Variants in EXT1 observed in about 807,000 individuals in gnomAD.
The protein encoded by EXT1 is exostosin glycosyltransferase 1, also known as exostosin-1.
A neutral mutation model predicts 82.5 loss-of-function variants in EXT1; 20 were observed. The ratio of observed to expected loss-of-function variants is 0.24; its 90% confidence interval spans 0.17 to 0.35. EXT1 has a LOEUF of 0.35. Among genes scored for constraint, EXT1 ranks in the 10% least tolerant of loss-of-function variants. The pLI is 1.00. For missense variants in EXT1, 757 were observed against 936.5 expected (o/e 0.81, Z 2.50); for synonymous variants, 348 against 350.8 (o/e 0.99, Z 0.09).
intron 1 of EXT1, among the ~76,000 whole-genome samples, chr8:117,908,898 C>A (rs1407400935): frequency 1.3e-5 from 2 of 151,642 alleles, no homozygotes; most frequent in Admixed American, 1.3e-4. Flanking sequence ...CTGAGGAGGG[C>A]AGATCGCTTG....
At chr8:117,915,244 GCTGA>G (rs1186261288) in intron 1 of EXT1, among the ~76,000 whole-genome samples, 4 of 152,040 alleles carry the variant, frequency 2.6e-5, no homozygotes, top group African/African-American at 7.2e-5. Context: ...GTTTTATTAT[GCTGA>G]CTAATTATTA....
intron 1 of EXT1, among the ~76,000 whole-genome samples, chr8:117,945,306 T>A (rs1376189135): frequency 6.6e-6 from 1 of 152,158 alleles, no homozygotes; most frequent in Non-Finnish European, 1.5e-5. Flanking sequence ...CCCCTGTACA[T>A]CACCCTTCCT....
chr8:118,069,672 A>C (rs1318021590), intron 1 of EXT1, among the ~76,000 whole-genome samples: 1 of 152,104 alleles, frequency 6.6e-6, no homozygotes, highest in Non-Finnish European at 1.5e-5. Context: ...ATAACTTCAC[A>C]CCACAGGTTA....
intron 3 of EXT1, chr8:117,831,554 T>C: frequency 2.1e-6 from 1 of 471,032 alleles, no homozygotes; most frequent in South Asian, 1.5e-5. Context: ...TCTATAGTCT[T>C]TAGGGAAGAT....
intron 1 of EXT1, among the ~76,000 whole-genome samples, chr8:117,951,601 G>C (rs1814493110): frequency 1.3e-5 from 2 of 152,190 alleles, no homozygotes; most frequent in Admixed American, 1.3e-4. Context: ...AATTATGACT[G>C]TGATAGAGAC....
chr8:118,102,890 C>T (rs1441185479), intron 1 of EXT1, among the ~76,000 whole-genome samples: 1 of 152,038 alleles, frequency 6.6e-6, no homozygotes, highest in Non-Finnish European at 1.5e-5. Context: ...CTTGGTGGCT[C>T]ATGCCTGTAA....
intron 1 of EXT1, among the ~76,000 whole-genome samples, chr8:118,080,024 C>A (rs1010268050): frequency 1.3e-5 from 2 of 152,314 alleles, no homozygotes; most frequent in South Asian, 4.1e-4. Context: ...CCTCCAGGCA[C>A]CCTGCTAGGC....
chr8:117,970,429 A>T (rs1434191984), intron 1 of EXT1, among the ~76,000 whole-genome samples: 2 of 151,226 alleles, frequency 1.3e-5, no homozygotes, highest in African/African-American at 4.9e-5. Flanking sequence ...CAGCCTCTTG[A>T]TTAGTTGGGA....
intron 1 of EXT1, among the ~76,000 whole-genome samples, chr8:117,915,571 G>A (rs1813731840): frequency 6.6e-6 from 1 of 152,126 alleles, no homozygotes; most frequent in Non-Finnish European, 1.5e-5. Context: ...ATCACTATTT[G>A]AGGTCAGGCA....
chr8:117,833,834 G>T (rs750732983), intron 3 of EXT1, among the ~76,000 whole-genome samples: 5 of 152,064 alleles, frequency 3.3e-5, no homozygotes, highest in Admixed American at 6.6e-5. Flanking sequence ...AAGAAAAAAG[G>T]CTACATGGAC....
At chr8:117,902,462 T>C (rs188700901) in intron 1 of EXT1, among the ~76,000 whole-genome samples, 2 of 152,316 alleles carry the variant, frequency 1.3e-5, no homozygotes, top group African/African-American at 4.8e-5. Flanking sequence ...GAGTAATGCA[T>C]TGTGCCAAGA....
chr8:118,008,723 ATCTTT>A (rs1373004441), intron 1 of EXT1, among the ~76,000 whole-genome samples: 1 of 152,136 alleles, frequency 6.6e-6, no homozygotes, highest in African/African-American at 2.4e-5. Context: ...ATTGTTTCTA[ATCTTT>A]TCTTATTAAA....
chr8:118,040,973 C>G, intron 1 of EXT1, among the ~76,000 whole-genome samples: 1 of 152,160 alleles, frequency 6.6e-6, no homozygotes, highest in Non-Finnish European at 1.5e-5. Flanking sequence ...CTGCAGGGGA[C>G]CCAATTCTCA....
At chr8:117,904,739 C>G (rs1445887989) in intron 1 of EXT1, among the ~76,000 whole-genome samples, 1 of 151,254 alleles carries the variant, frequency 6.6e-6, no homozygotes, top group Non-Finnish European at 1.5e-5. Flanking sequence ...ATTATATTAT[C>G]AAGAAGTCCA....
At chr8:117,809,213 G>A (rs997643030) in intron 8 of EXT1, among the ~76,000 whole-genome samples, 8,649 of 62,928 alleles carry the variant, frequency 0.14, 405 homozygotes, top group East Asian at 0.19. Flanking sequence ...GTGTGTGTGT[G>A]TATAAATATA....
intron 1 of EXT1, among the ~76,000 whole-genome samples, chr8:118,063,846 C>CTTTATTTA (rs1161651930): frequency 2.5e-4 from 37 of 150,754 alleles, no homozygotes; most frequent in African/African-American, 8.5e-4. Context: ...CAGAGCTACA[C>CTTTATTTA]TTTATTTATT....
chr8:117,870,348 A>G (rs1208216919), intron 1 of EXT1, among the ~76,000 whole-genome samples: 1 of 152,008 alleles, frequency 6.6e-6, no homozygotes, highest in Non-Finnish European at 1.5e-5. Context: ...ACATCTGAGA[A>G]TTGTTATGTC....
intron 1 of EXT1, among the ~76,000 whole-genome samples, chr8:118,105,366 C>T (rs1011214022): frequency 1.3e-5 from 2 of 152,224 alleles, no homozygotes; most frequent in Admixed American, 1.3e-4. Context: ...ACCTTAGTAA[C>T]AAGCCATTAT....
intron 4 of EXT1, among the ~76,000 whole-genome samples, chr8:117,828,928 T>C (rs1812051684): frequency 6.6e-6 from 1 of 152,162 alleles, no homozygotes; most frequent in South Asian, 2.1e-4. Context: ...TGACCAGCAC[T>C]GGCTCTGATA....
Sources: gnomAD v4.1 joint callset for allele counts (sites outside exome capture counted in the v4.1 genomes callset) on GRCh38, gnomAD v4.1.1 for gene constraint, MANE v1.5 for transcripts, NCBI Gene and HGNC (gene_info 2026-07-23, HGNC 2026-07-21) for gene names.